TSPAN2: variants seen among roughly 807,000 people sequenced by gnomAD.
The protein encoded by TSPAN2 is tetraspanin-2.
In TSPAN2, 24 loss-of-function variants were observed where a neutral mutation model predicts 33.3. That is an observed-to-expected ratio of 0.72 (90% CI 0.52 to 1.01). The LOEUF (loss-of-function observed/expected upper bound fraction) is 1.01. Ranked by LOEUF, TSPAN2 falls within the 50% of genes least tolerant of loss-of-function variation. The pLI is 0.00. For missense variants in TSPAN2, 278 were observed against 281.3 expected (o/e 0.99, Z 0.08); for synonymous variants, 114 against 104.5 (o/e 1.09, Z -0.56).
intron 3 of TSPAN2, among the ~76,000 whole-genome samples, chr1:115,061,299 C>T (rs939741981): frequency 4.6e-5 from 7 of 152,238 alleles, no homozygotes; most frequent in Non-Finnish European, 7.3e-5. Flanking sequence ...GAAATATCAA[C>T]ACTTTCTCTC....
intron 2 of TSPAN2, among the ~76,000 whole-genome samples, chr1:115,067,516 A>G (rs1391601688): frequency 6.6e-6 from 1 of 152,256 alleles, no homozygotes; most frequent in African/African-American, 2.4e-5. Context: ...CCTCTCTGGT[A>G]TACAGCTACC....
At chr1:115,089,294 C>T in intron 1 of TSPAN2, 70 bp downstream of exon 1, 1 of 1,394,292 alleles carries the variant, frequency 7.2e-7, no homozygotes, top group South Asian at 1.3e-5. Context: ...GTCAGCAGCT[C>T]GGGGACCCCG....
At chr1:115,082,745 C>T (rs1648675447) in intron 1 of TSPAN2, among the ~76,000 whole-genome samples, 1 of 152,178 alleles carries the variant, frequency 6.6e-6, no homozygotes, top group African/African-American at 2.4e-5. Flanking sequence ...CTAAATCTGA[C>T]ACTGAATATA....
chr1:115,089,393 G>A lies in TSPAN2; in HGVS notation c.40C>T (p.Leu14=), dbSNP rs1199673035. 5.6e-6 allele frequency: 9 copies of A among 1,595,880 alleles called. No homozygotes were observed. Among genetic ancestry groups the A allele is most frequent in the Non-Finnish European group, 7.7e-6 (9 of 1,172,682 alleles). The change falls in exon 1 of 8, where the codon CTG becomes TTG. Residue 14 remains leucine, a synonymous_variant. Transcript: ENST00000369516. ...AAGAGCAGGTTGAAGCCAAGCAGCA[G>A]GTACTTGATGCACCGCAGGCCCCCG... ...FRGGLRCIKY[L]LLGFNLLFWL...
In TSPAN2 at chr1:115,052,984, C is replaced by T. The variant is rs192680473; in HGVS notation, c.600+395G>A. ...ATCCAAACCATGTGATGCCAGAGCTCGCCCTATTAATCTCTATGCTCTGCT... is the reference window on the plus strand; with the variant it reads ...ATCCAAACCATGTGATGCCAGAGCTTGCCCTATTAATCTCTATGCTCTGCT... On this transcript the variant is annotated intron_variant, in intron 7 of 7. Coordinates refer to ENST00000369516, the MANE Select transcript of TSPAN2 (RefSeq NM_005725.6). Among the ~76,000 whole-genome samples, 113 of 152,242 alleles carry T rather than the reference C, an allele frequency of 7.4e-4. No individual in the cohort carries two copies. In the South Asian group the frequency reaches 9.9e-3, roughly 13 times the overall value.
intron 1 of TSPAN2, among the ~76,000 whole-genome samples, chr1:115,074,135 C>T (rs992943297): frequency 1.3e-5 from 2 of 152,164 alleles, no homozygotes; most frequent in Non-Finnish European, 2.9e-5. Flanking sequence ...CCTGCCCAAA[C>T]AGAGCAGAGC....
intron 4 of TSPAN2, among the ~76,000 whole-genome samples, chr1:115,059,342 T>TTA (rs1195013937): frequency 1.3e-5 from 2 of 152,150 alleles, no homozygotes; most frequent in Non-Finnish European, 2.9e-5. Flanking sequence ...ATGGAGAAGA[T>TTA]TATAGTTTCT....
intron 6 of TSPAN2, among the ~76,000 whole-genome samples, chr1:115,055,417 C>T (rs921098791): frequency 1.3e-5 from 2 of 151,922 alleles, no homozygotes; most frequent in East Asian, 3.9e-4. Flanking sequence ...AACACACCTA[C>T]ACCCTTAGGT....
intron 2 of TSPAN2, among the ~76,000 whole-genome samples, chr1:115,068,418 GT>G (rs1378502371): frequency 6.6e-6 from 1 of 152,210 alleles, no homozygotes; most frequent in Non-Finnish European, 1.5e-5. Context: ...AGACAAGTGT[GT>G]CTTCCTGGGG....
chr1:115,053,349 C>CA (rs768759872), intron 7 of TSPAN2, 30 bp downstream of exon 7: 11 of 1,597,678 alleles, frequency 6.9e-6, no homozygotes, highest in Non-Finnish European at 9.4e-6. Context: ...TTTTAGAGGG[C>CA]AAAAAGGGTA....
At chr1:115,079,137 C>CCACACACACACACACACA (rs202132434) in intron 1 of TSPAN2, among the ~76,000 whole-genome samples, 52 of 146,808 alleles carry the variant, frequency 3.5e-4, no homozygotes, top group African/African-American at 1.2e-3. Flanking sequence ...AATTATAGCG[C>CCACACACACACACACACA]CACACACACA....
chr1:115,073,003 G>A lies in TSPAN2; in HGVS notation c.74C>T (p.Ala25Val), dbSNP rs1466770376. ...LLGFNLLFWL[A>V]GSAVIAFGLW... ...TCCAAAAGCAATGACGGCCGATCCA[G>A]CCAGCTGGAAGGCAAACGACACTGT... The change falls in exon 2 of 8, where the codon GCT (alanine) becomes GTT (valine). Residue 25 changes from alanine to valine, a missense_variant. By Grantham distance (64) the Ala-to-Val change is moderately conservative. Transcript: ENST00000369516. The A allele has an allele frequency of 1.2e-6, 2 of 1,614,078 alleles. No individual in the cohort carries two copies. The highest frequency in any genetic ancestry group is 4.5e-5 in the East Asian group (2 of 44,882).
intron 1 of TSPAN2, among the ~76,000 whole-genome samples, chr1:115,080,817 C>T (rs761968221): frequency 1.1e-4 from 17 of 152,324 alleles, no homozygotes; most frequent in Admixed American, 3.3e-4. Context: ...TTGGAACATC[C>T]AGCTGGCTCT....
intron 2 of TSPAN2, among the ~76,000 whole-genome samples, chr1:115,062,843 G>A (rs1023370267): frequency 5.3e-5 from 8 of 152,188 alleles, no homozygotes; most frequent in South Asian, 4.1e-4. Flanking sequence ...TGCTTCCTGG[G>A]GCGCCTCTGG....
intron 2 of TSPAN2, among the ~76,000 whole-genome samples, chr1:115,064,561 T>C (rs940894044): frequency 3.9e-5 from 6 of 152,204 alleles, no homozygotes; most frequent in African/African-American, 1.4e-4. Context: ...TCTCTCATTA[T>C]AGATTTCAAG....
chr1:115,082,753 A>G (rs541596181), intron 1 of TSPAN2, among the ~76,000 whole-genome samples: 1 of 152,318 alleles, frequency 6.6e-6, no homozygotes, highest in African/African-American at 2.4e-5. Context: ...GACACTGAAT[A>G]TAATCTCCCT....
At chr1:115,065,825 C>A (rs1195292507) in intron 2 of TSPAN2, among the ~76,000 whole-genome samples, 2 of 152,174 alleles carry the variant, frequency 1.3e-5, no homozygotes, top group African/African-American at 4.8e-5. Context: ...TCCTACTGTT[C>A]TATAGAATAC....
At chr1:115,051,579 C>T (rs559144350) in intron 7 of TSPAN2, among the ~76,000 whole-genome samples, 82 of 152,302 alleles carry the variant, frequency 5.4e-4, no homozygotes, top group Non-Finnish European at 1.0e-3. Context: ...GGAACCCTAT[C>T]TGTGGGCACC....
At chr1:115,079,671 G>T (rs927215064) in intron 1 of TSPAN2, among the ~76,000 whole-genome samples, 7 of 152,172 alleles carry the variant, frequency 4.6e-5, no homozygotes, top group African/African-American at 1.4e-4. Flanking sequence ...CACTACCTTG[G>T]CCTTCATCAG....
Sources: gnomAD v4.1 joint callset for allele counts (sites outside exome capture counted in the v4.1 genomes callset) on GRCh38, gnomAD v4.1.1 for gene constraint, MANE v1.5 for transcripts, NCBI Gene and HGNC (gene_info 2026-07-23, HGNC 2026-07-21) for gene names.